DNAH11: variants seen among roughly 807,000 people sequenced by gnomAD.
The protein encoded by DNAH11 is axonemal beta dynein heavy chain 11.
In DNAH11, 442 loss-of-function variants were observed where a neutral mutation model predicts 526.0. The observed-to-expected ratio is 0.84, with a 90% CI of 0.78 to 0.91. The LOEUF is 0.91. DNAH11 is among the 40% of genes least tolerant of loss of function. The pLI is 0.00. For synonymous variants in DNAH11, 2,461 were observed against 1,935.9 expected, an observed-to-expected ratio of 1.27 and a Z score of -7.12; for missense variants, 6,989 against 5,448.7, an observed-to-expected ratio of 1.28 and a Z score of -8.90.
intron 65 of DNAH11, among the ~76,000 whole-genome samples, chr7:21,832,508 A>G (rs1034103500): frequency 6.6e-6 from 1 of 152,164 alleles, no homozygotes; most frequent in Non-Finnish European, 1.5e-5. Context: ...TTTGCACGTG[A>G]AATGGGTCTC....
At chr7:21,765,301 C>T in intron 54 of DNAH11, 127 bp from the exon 55 acceptor site, 1 of 1,383,192 alleles carries the variant, frequency 7.2e-7, no homozygotes, top group Admixed American at 1.8e-5. Context: ...TGTCCACTCT[C>T]TAGGGCTTTA....
chr7:21,680,645 C>T (rs146895235), intron 30 of DNAH11, among the ~76,000 whole-genome samples: 1 of 152,304 alleles, frequency 6.6e-6, no homozygotes, highest in Non-Finnish European at 1.5e-5. Context: ...AATTGTCATT[C>T]ATGGCATTCC....
Position 21,559,003 on chromosome 7 carries a change from G to C in DNAH11, c.692+5G>C, listed in dbSNP as rs375750541. 2 of 1,563,962 alleles carry C rather than the reference G, an allele frequency of 1.3e-6. No individual in the cohort carries two copies. Among genetic ancestry groups the C allele is most frequent in the African/African-American group, 1.4e-5 (1 of 73,692 alleles). On this transcript the variant is annotated splice_donor_5th_base_variant and intron_variant, in intron 3 of 81. Coordinates refer to ENST00000409508, the MANE Select transcript of DNAH11 (RefSeq NM_001277115.2). The stretch of plus-strand genomic sequence containing the variant: ...TCAGAATTGTTCAGAGAACAAGTAC[G>C]TAACAGTACAATATATACAGGATAT...
At chr7:21,552,941 G>A (rs561356715) in intron 2 of DNAH11, among the ~76,000 whole-genome samples, 209 of 152,230 alleles carry the variant, frequency 1.4e-3, no homozygotes, top group Non-Finnish European at 1.9e-3. Context: ...CAATCTGAAC[G>A]ACCCATTAGG....
intron 43 of DNAH11, among the ~76,000 whole-genome samples, chr7:21,719,425 G>A (rs1784790387): frequency 6.6e-6 from 1 of 152,200 alleles, no homozygotes; most frequent in Admixed American, 6.5e-5. Flanking sequence ...TTCAAGTACT[G>A]TGGGAGAAAA....
At chr7:21,814,341 A>T (rs1425754102) in intron 63 of DNAH11, among the ~76,000 whole-genome samples, 3 of 84,488 alleles carry the variant, frequency 3.6e-5, no homozygotes, top group South Asian at 3.4e-4. Flanking sequence ...TATTTTATTT[A>T]TTTATTTATT....
rs766684571 is a variant in DNAH11 at position 21,816,588 on chromosome 7, T to C, written c.10454T>C (p.Ile3485Thr). ...SDRMSTENAAILTHCERWPLV... is the reference protein window; with the variant it reads ...SDRMSTENAATLTHCERWPLV... ...AGAATGTCCACCGAAAATGCCGCTA[T>C]CCTAACACACTGTGAGCGCTGGCCT... The change falls in exon 64 of 82, where the codon ATC (isoleucine) becomes ACC (threonine). Residue 3485 changes from isoleucine to threonine, a missense_variant. Ile to Thr is a moderately conservative substitution (Grantham distance 89). Transcript: ENST00000409508. 6.2e-7 allele frequency: 1 copy of C among 1,613,614 alleles called. No individual in the cohort carries two copies. The highest frequency in any genetic ancestry group is 1.7e-5 in the Admixed American group (1 of 59,912).
At chr7:21,654,264 C>T (rs550252017) in intron 28 of DNAH11, among the ~76,000 whole-genome samples, 9 of 152,262 alleles carry the variant, frequency 5.9e-5, no homozygotes, top group African/African-American at 7.2e-5. Flanking sequence ...CCCTAGCAGC[C>T]GCCAATCTGC....
At position 21,725,921 on chromosome 7, in the gene DNAH11, G is replaced by C. The variant is rs1060503059; in HGVS notation, c.7377G>C (p.Lys2459Asn). Residue 2459 changes from lysine (K) to asparagine (N), a missense_variant, in exon 45 of 82, where the codon AAG becomes AAC. Lys to Asn is a moderately conservative substitution (Grantham distance 94). Transcript: ENST00000409508. Reference protein sequence around the residue: ...IFDYYVDHKTKKLLPWADKIA... With the variant: ...IFDYYVDHKTNKLLPWADKIA... ...ATTATTATGTGGACCACAAAACTAAGAAATTATTGCCCTGGGCTGACAAAA... is the reference window on the plus strand; with the variant it reads ...ATTATTATGTGGACCACAAAACTAACAAATTATTGCCCTGGGCTGACAAAA... 3.8e-6 allele frequency: 6 copies of C among 1,576,526 alleles called. No individual in the cohort carries two copies. The highest frequency in any genetic ancestry group is 5.2e-6 in the Non-Finnish European group (6 of 1,160,062).
At chr7:21,681,255 T>C (rs1241017993) in intron 30 of DNAH11, among the ~76,000 whole-genome samples, 1 of 151,940 alleles carries the variant, frequency 6.6e-6, no homozygotes, top group African/African-American at 2.4e-5. Context: ...GGTGAAATCA[T>C]GTCCCTACGA....
Position 21,711,896 on chromosome 7 carries a change from T to G in DNAH11, c.6983+36T>G, listed in dbSNP as rs768079820. 4 of 1,565,356 alleles carry G rather than the reference T, an allele frequency of 2.6e-6. No homozygotes were observed. The Middle Eastern group carries it at 5.0e-4, about 197-fold the overall frequency. ...CTTTTTGTTTTATTGTAGTAAATTGTATGTAACATAACATTTACCATTTTC... is the reference window on the plus strand; with the variant it reads ...CTTTTTGTTTTATTGTAGTAAATTGGATGTAACATAACATTTACCATTTTC... On this transcript the variant is annotated intron_variant, in intron 42 of 81. Coordinates refer to ENST00000409508, the MANE Select transcript of DNAH11 (RefSeq NM_001277115.2).
In DNAH11 at chr7:21,619,191, A is replaced by G; in HGVS notation, c.4346A>G (p.Asp1449Gly). 1 of 1,613,426 alleles carries G rather than the reference A, an allele frequency of 6.2e-7. No individual in the cohort carries two copies. ...RVEDDVRRIV[D>G]KAVKELGTEK... is the part of the protein sequence containing the mutation. ...GAAGATGATGTCCGAAGGATTGTGG[A>G]CAAGGCGGTGAAAGAGCTGGGGACT... Residue 1449 changes from aspartate to glycine, a missense_variant, in exon 24 of 82, where the codon GAC becomes GGC. By Grantham distance (94) the Asp-to-Gly change is moderately conservative. Coordinates refer to ENST00000409508, the MANE Select transcript of DNAH11 (RefSeq NM_001277115.2).
chr7:21,551,299 C>T (rs886951211), intron 2 of DNAH11, among the ~76,000 whole-genome samples: 4 of 152,186 alleles, frequency 2.6e-5, no homozygotes, highest in Non-Finnish European at 4.4e-5. Context: ...TCAGCAGCGC[C>T]ATCTGCAAGC....
At chr7:21,870,004 CTGAGTCATGCAAAGGT>C (rs1167772131) in intron 73 of DNAH11, among the ~76,000 whole-genome samples, 5 of 152,188 alleles carry the variant, frequency 3.3e-5, no homozygotes, top group African/African-American at 9.7e-5. Context: ...TAGTTTTCAG[CTGAGTCATGCAAAGGT>C]TCTCGTCAGT....
In DNAH11 at chr7:21,735,734, C is replaced by G; in HGVS notation, c.7535C>G (p.Ala2512Gly). 6.2e-7 allele frequency: 1 copy of G among 1,613,926 alleles called. No individual in the cohort carries two copies. The highest frequency in any genetic ancestry group is 8.5e-7 in the Non-Finnish European group (1 of 1,179,862). The change falls in exon 46 of 82, where the codon GCA becomes GGA. Residue 2512 changes from alanine to glycine, a missense_variant. Transcript: ENST00000409508. ...AAACCTCTAATGCTAGTAGGAAATG[C>G]AGGAGTGGGAAAAACAGTCTTTGTA... is the stretch of plus-strand genomic sequence containing the variant. Reference protein sequence around the residue: ...KGKPLMLVGNAGVGKTVFVGD... With the variant: ...KGKPLMLVGNGGVGKTVFVGD...
chr7:21,551,842 C>G lies in DNAH11; in HGVS notation c.495+6693C>G, dbSNP rs964259046. Among the ~76,000 whole-genome samples, 3 of 150,964 alleles carry G rather than the reference C, an allele frequency of 2.0e-5. No homozygotes were observed. In the East Asian group the frequency reaches 5.9e-4, roughly 30 times the overall value. ...CCATAGGAAACCAGCTGGATTTAGG[C>G]AAATATTTGTTGTTATGAGCAAATA... On this transcript the variant is annotated intron_variant, in intron 2 of 81. Transcript: ENST00000409508.
At chr7:21,694,338 C>A (rs970890268) in intron 35 of DNAH11, among the ~76,000 whole-genome samples, 8 of 152,084 alleles carry the variant, frequency 5.3e-5, no homozygotes, top group East Asian at 1.9e-4. Flanking sequence ...TCCTAATGAT[C>A]TCCCTCCTCT....
At chr7:21,858,533 C>G (rs1273872300) in intron 68 of DNAH11, among the ~76,000 whole-genome samples, 1 of 152,120 alleles carries the variant, frequency 6.6e-6, no homozygotes, top group Non-Finnish European at 1.5e-5. Flanking sequence ...TTACTCAAAA[C>G]ATAAAGGTAT....
At position 21,735,831 on chromosome 7, in the gene DNAH11, C is replaced by T. The variant is rs2128489138; in HGVS notation, c.7632C>T (p.Ser2544=). 1.2e-6 allele frequency: 2 copies of T among 1,607,938 alleles called. No individual in the cohort carries two copies. The highest frequency in any genetic ancestry group is 1.7e-4 in the Middle Eastern group (1 of 6,046). ...TGCCTTTCAACTACTACACGACATC[C>T]ACAGCTCTGCAAAGTAAGTGCACCT... ...SRVPFNYYTT[S]TALQKILEKP... The change falls in exon 46 of 82, where the codon TCC becomes TCT. Residue 2544 remains serine (S), a synonymous_variant. Transcript: ENST00000409508.
Sources: allele counts gnomAD v4.1 joint callset (sites outside exome capture counted in the v4.1 genomes callset), GRCh38; gene constraint gnomAD v4.1.1; transcripts MANE v1.5; gene names NCBI Gene and HGNC (gene_info 2026-07-23, HGNC 2026-07-21).